Variants in GFPT2 observed in about 807,000 individuals in gnomAD.
GFPT2 encodes glutamine--fructose-6-phosphate transaminase 2, also known as glutamine--fructose-6-phosphate aminotransferase [isomerizing] 2.
Under a neutral mutation model 85.6 loss-of-function variants are expected in GFPT2, and 62 were observed. The ratio of observed to expected loss-of-function variants is 0.72; its 90% CI spans 0.59 to 0.90. The LOEUF (loss-of-function observed/expected upper bound fraction) is 0.90. GFPT2 is among the 40% of genes least tolerant of loss of function. The probability of loss-of-function intolerance (pLI) is 0.00; values close to 1 mark genes in which losing one functional copy is unlikely to be tolerated. For missense variants in GFPT2, 788 were observed against 893.4 expected (o/e 0.88, Z 1.50); for synonymous variants, 368 against 344.5 (o/e 1.07, Z -0.75).
intron 16 of GFPT2, among the ~76,000 whole-genome samples, chr5:180,306,417 G>A (rs1763779065): frequency 6.6e-6 from 1 of 152,192 alleles, no homozygotes; most frequent in African/African-American, 2.4e-5. Context: ...CACCTGGGCT[G>A]AGCATCTGCT....
intron 13 of GFPT2, 58 bp from the exon 14 acceptor site, chr5:180,314,022 C>T (rs1360953949): frequency 2.0e-6 from 3 of 1,477,082 alleles, no homozygotes; most frequent in Non-Finnish European, 1.8e-6. Flanking sequence ...CCACCCCAAA[C>T]CCCTTCCTCC....
Position 180,330,192 on chromosome 5 carries a change from G to A in GFPT2, c.534+508C>T, listed in dbSNP as rs570848481. ...AAAAATTAGCCAGGTGTGGTGGTGC[G>A]TGCCTGTAGTCTCAGCTAACTCAGG... On this transcript the variant is annotated intron_variant, in intron 6 of 18. Coordinates refer to ENST00000253778, the MANE Select transcript of GFPT2 (RefSeq NM_005110.4). This position sits in a 1 kb window ranked among gnomAD's most constrained non-coding sequence, Gnocchi z 4.4. 7.2e-5 allele frequency among the ~76,000 whole-genome samples: 11 copies of A among 152,254 alleles called. No homozygotes were observed. Among genetic ancestry groups the A allele is most frequent in the South Asian group, 2.1e-4 (1 of 4,822 alleles).
rs1581383498 is a variant in GFPT2, at chr5:180,332,253, A to G, written c.341-700T>C. ...GGGGAGGTGGCGGGGGGGCGGGGGG[A>G]GCAGGGGGATGCGGGGGATGCGGTG... On this transcript the variant is annotated intron_variant, in intron 4 of 18. Coordinates refer to ENST00000253778, the MANE Select transcript of GFPT2 (RefSeq NM_005110.4). Among the ~76,000 whole-genome samples the G allele has an allele frequency of 3.0e-5, 4 of 133,148 alleles. No homozygotes were observed. In the South Asian group the frequency reaches 1.1e-3, roughly 37 times the overall value. 87.4% of individuals were successfully genotyped at this position (133,148 alleles called of 152,430 possible).
chr5:180,352,617 G>A, intron 1 of GFPT2: 1 of 449,230 alleles, frequency 2.2e-6, no homozygotes, highest in Non-Finnish European at 4.4e-6. Flanking sequence ...GCAAAGAGGC[G>A]GTAACGCGGC....
intron 6 of GFPT2, among the ~76,000 whole-genome samples, chr5:180,329,941 T>G (rs945360023): frequency 6.6e-6 from 1 of 152,226 alleles, no homozygotes; most frequent in African/African-American, 2.4e-5. Flanking sequence ...CTGGGCCCTG[T>G]CCTCTGGGAT....
At chr5:180,315,912 C>T (rs1763997596) in intron 13 of GFPT2, among the ~76,000 whole-genome samples, 1 of 152,226 alleles carries the variant, frequency 6.6e-6, no homozygotes, top group African/African-American at 2.4e-5. Context: ...ACAGGCAGCT[C>T]GGCTTGGACA....
chr5:180,342,267 T>C (rs1764531120), intron 1 of GFPT2, among the ~76,000 whole-genome samples: 1 of 152,152 alleles, frequency 6.6e-6, no homozygotes, highest in Non-Finnish European at 1.5e-5. Context: ...AATACATCTT[T>C]TAATGTCAAT....
At chr5:180,332,380 A>G (rs2127654385) in intron 4 of GFPT2, among the ~76,000 whole-genome samples, 1 of 152,334 alleles carries the variant, frequency 6.6e-6, no homozygotes, top group East Asian at 1.9e-4. Flanking sequence ...TTTTCTGGGC[A>G]AGTAGCTCCG....
Position 180,328,258 on chromosome 5 carries a change from C to G in GFPT2, c.596+19G>C, listed in dbSNP as rs990088868. On this transcript the variant is annotated intron_variant, in intron 7 of 18. Coordinates refer to ENST00000253778, the MANE Select transcript of GFPT2 (RefSeq NM_005110.4). The surrounding 1 kb of genome is among the most constrained non-coding windows in gnomAD (Gnocchi z 5.4). ...TTTTCGTTCTTTCTTATGGGAAATGCCAGTGTGTTTTGCCTCACCGTGTGG... is the reference window on the plus strand; with the variant it reads ...TTTTCGTTCTTTCTTATGGGAAATGGCAGTGTGTTTTGCCTCACCGTGTGG... The G allele has an allele frequency of 6.3e-7, 1 of 1,578,506 alleles. No homozygotes were observed. Among genetic ancestry groups the G allele is most frequent in the Admixed American group, 1.7e-5 (1 of 59,976 alleles).
chr5:180,323,788 C>G lies in GFPT2; in HGVS notation c.794+400G>C, dbSNP rs568546880. 6.6e-6 allele frequency among the ~76,000 whole-genome samples: 1 copy of G among 152,184 alleles called. No homozygotes were observed. Among genetic ancestry groups the G allele is most frequent in the Non-Finnish European group, 1.5e-5 (1 of 68,036 alleles). Reference sequence around the variant, plus strand: ...CAGTTGTCTCATCTAAAGGGGGCAGCCTTTGAGCAGATCCAGACACCTGCC... The same window carrying G: ...CAGTTGTCTCATCTAAAGGGGGCAGGCTTTGAGCAGATCCAGACACCTGCC... On this transcript the variant is annotated intron_variant, in intron 9 of 18. Transcript: ENST00000253778. The surrounding 1 kb of genome is among the most constrained non-coding windows in gnomAD (Gnocchi z 4.0).
chr5:180,318,093 A>G lies in GFPT2; in HGVS notation c.958+700T>C, dbSNP rs553214682. 6.6e-6 allele frequency among the ~76,000 whole-genome samples: 1 copy of G among 152,162 alleles called. No homozygotes were observed. Among genetic ancestry groups the G allele is most frequent in the Non-Finnish European group, 1.5e-5 (1 of 67,984 alleles). Reference sequence around the variant, plus strand: ...CACAGGAGCAGAGAAGGAGTCTCTGAGGGGGTGACATTTCAAGGGAGCTGG... The same window carrying G: ...CACAGGAGCAGAGAAGGAGTCTCTGGGGGGGTGACATTTCAAGGGAGCTGG... On this transcript the variant is annotated intron_variant, in intron 10 of 18. Coordinates refer to ENST00000253778, the MANE Select transcript of GFPT2 (RefSeq NM_005110.4). The surrounding 1 kb of genome is among the most constrained non-coding windows in gnomAD (Gnocchi z 4.2).
intron 9 of GFPT2, among the ~76,000 whole-genome samples, chr5:180,321,430 G>C (rs117200384): frequency 0.013 from 1,998 of 152,328 alleles, 57 homozygotes; most frequent in East Asian, 0.1. Flanking sequence ...AGGTGGACTC[G>C]GGGCCTCTGT....
chr5:180,343,819 G>A (rs542895581), intron 1 of GFPT2, among the ~76,000 whole-genome samples: 3 of 152,300 alleles, frequency 2.0e-5, no homozygotes, highest in South Asian at 2.1e-4. Context: ...CCATGAGGTC[G>A]GTAAAGATCA....
chr5:180,328,149 A>C lies in GFPT2; in HGVS notation c.596+128T>G. The C allele has an allele frequency of 1.5e-6, 1 of 674,690 alleles. No homozygotes were observed. Among genetic ancestry groups the C allele is most frequent in the Non-Finnish European group, 2.7e-6 (1 of 376,138 alleles). The allele number at this position is 674,690 out of a possible 1,614,324, so 41.8% of individuals were successfully genotyped here. On this transcript the variant is annotated intron_variant, in intron 7 of 18. Coordinates refer to ENST00000253778, the MANE Select transcript of GFPT2 (RefSeq NM_005110.4). This position sits in a 1 kb window ranked among gnomAD's most constrained non-coding sequence, Gnocchi z 5.4. ...GGGGCGCGGTCCCCGGGGCTGAGCC[A>C]CAGTTGTTCTTTAGACACCACGAGC...
At chr5:180,336,453 C>G (rs755951656) in intron 3 of GFPT2, 26 bp downstream of exon 3, 268 of 1,282,148 alleles carry the variant, frequency 2.1e-4, no homozygotes, top group Middle Eastern at 1.7e-3. Context: ...GCAGCGGCTC[C>G]TCCCACTCAG....
In GFPT2 at chr5:180,331,599, T is replaced by C. The variant is rs570601861; in HGVS notation, c.341-46A>G. On this transcript the variant is annotated intron_variant, in intron 4 of 18. Coordinates refer to ENST00000253778, the MANE Select transcript of GFPT2 (RefSeq NM_005110.4). The stretch of plus-strand genomic sequence containing the variant: ...GAAATGCTATTGAGAAGGAGGTTCA[T>C]GTCAGATGTGAAGAGAGATGATTTC... 9 of 1,097,902 alleles carry C rather than the reference T, an allele frequency of 8.2e-6. No individual in the cohort carries two copies. The South Asian group carries it at 1.0e-4, about 12-fold the overall frequency. 68.0% of individuals were successfully genotyped at this position (1,097,902 alleles called of 1,614,324 possible). A position where few individuals can be genotyped will look rare whatever the true frequency, so the allele number is the denominator to read the frequency against.
intron 18 of GFPT2, 41 bp downstream of exon 18, chr5:180,302,382 T>C (rs886088211): frequency 3.9e-6 from 6 of 1,520,286 alleles, no homozygotes; most frequent in South Asian, 1.1e-5. Context: ...TCTGGGGTTA[T>C]GTCTCTCCTC....
intron 1 of GFPT2, among the ~76,000 whole-genome samples, chr5:180,351,629 A>G (rs1050839909): frequency 6.6e-6 from 1 of 152,214 alleles, no homozygotes; most frequent in African/African-American, 2.4e-5. Flanking sequence ...AGGTGGTCAC[A>G]CCCCAAAGCT....
rs1764160501 is a variant in GFPT2 at position 180,323,523 on chromosome 5, G to A, written c.794+665C>T. ...CTTCAAATGGCAGGAAAGTGCTCTG[G>A]TTCTCTCTCTCCCTCTCTCTCTCTC... On this transcript the variant is annotated intron_variant, in intron 9 of 18. Transcript: ENST00000253778. This position sits in a 1 kb window ranked among gnomAD's most constrained non-coding sequence, Gnocchi z 4.0. Among the ~76,000 whole-genome samples the A allele has an allele frequency of 6.6e-6, 1 of 151,334 alleles. No individual in the cohort carries two copies.
Sources: allele counts gnomAD v4.1 joint callset (sites outside exome capture counted in the v4.1 genomes callset), GRCh38; gene constraint gnomAD v4.1.1; non-coding constraint Gnocchi (gnomAD v3.1); transcripts MANE v1.5; gene names NCBI Gene and HGNC (gene_info 2026-07-23, HGNC 2026-07-21).